The following SGCD variants were observed in gnomAD, a reference collection of about 807,000 sequenced individuals.
SGCD encodes delta-sarcoglycan.
A neutral mutation model predicts 36.6 loss-of-function variants in SGCD; 18 were observed. The observed-to-expected ratio is 0.49, with a 90% CI of 0.34 to 0.73. The LOEUF is 0.73. Among genes scored for constraint, SGCD ranks in the 30% least tolerant of loss-of-function variants. The pLI is 0.01. For synonymous variants in SGCD, 133 were observed against 130.6 expected, an observed-to-expected ratio of 1.02 and a Z score of -0.12; for missense variants, 387 against 346.7, an observed-to-expected ratio of 1.12 and a Z score of -0.92.
chr5:156,237,999 T>G (rs249894), intron 3 of SGCD, among the ~76,000 whole-genome samples: 90,131 of 151,208 alleles, frequency 0.6, 27,058 homozygotes, highest in East Asian at 0.69. Context: ...CCAGGCTGTA[T>G]TGCAGTGGTG....
intron 3 of SGCD, among the ~76,000 whole-genome samples, chr5:156,124,205 G>A (rs1762114257): frequency 2.0e-5 from 3 of 152,182 alleles, no homozygotes; most frequent in South Asian, 4.1e-4. Context: ...CACAGGTAAA[G>A]ATACAATGGT....
chr5:155,877,889 T>A (rs1755798541), intron 1 of SGCD, among the ~76,000 whole-genome samples: 1 of 152,206 alleles, frequency 6.6e-6, no homozygotes, highest in African/African-American at 2.4e-5. Flanking sequence ...ATGCAGAAAT[T>A]ACATGTTAAG....
At chr5:156,393,979 G>T (rs1771719884) in intron 3 of SGCD, 1 of 362,204 alleles carries the variant, frequency 2.8e-6, no homozygotes, top group African/African-American at 2.1e-5. Flanking sequence ...AGCAGTAAAA[G>T]ACAAAGATGC....
chr5:156,448,482 T>G (rs1024148875), intron 3 of SGCD, among the ~76,000 whole-genome samples: 1 of 152,072 alleles, frequency 6.6e-6, no homozygotes, highest in Non-Finnish European at 1.5e-5. Context: ...AGCAGCAGCC[T>G]CTCCATGGAA....
chr5:156,247,949 A>C (rs1398998587), intron 3 of SGCD, among the ~76,000 whole-genome samples: 5 of 152,264 alleles, frequency 3.3e-5, no homozygotes, highest in African/African-American at 7.2e-5. Context: ...AAACTGAAGT[A>C]AACGTTCTGA....
chr5:155,856,308 G>T, the SGCD span, among the ~76,000 whole-genome samples: 2 of 152,044 alleles, frequency 1.3e-5, no homozygotes, highest in African/African-American at 4.8e-5. Context: ...CCCAAAAAAT[G>T]CAGAAAAAGA....
rs942720274 is a variant in SGCD at position 156,751,063 on chromosome 5, T to G, written c.576-6518T>G. 5.9e-5 allele frequency among the ~76,000 whole-genome samples: 9 copies of G among 152,298 alleles called. No individual in the cohort carries two copies. In the East Asian group the frequency reaches 1.5e-3, roughly 26 times the overall value. On this transcript the variant is annotated intron_variant, in intron 7 of 8. Coordinates refer to ENST00000337851, the MANE Select transcript of SGCD (RefSeq NM_000337.6). ...AGACCCAAGAATCGCTAAGACATTCTTGAACAAGAATAAGGTAAGAGGATT... is the reference window on the plus strand; with the variant it reads ...AGACCCAAGAATCGCTAAGACATTCGTGAACAAGAATAAGGTAAGAGGATT...
In SGCD at chr5:156,764,152, AT is replaced by A. The variant is rs1357491009; in HGVS notation, c.*4763del. 2 of 152,496 alleles carry A rather than the reference AT, an allele frequency of 1.3e-5. No individual in the cohort carries two copies. Among genetic ancestry groups the A allele is most frequent in the African/African-American group, 4.8e-5 (2 of 41,454 alleles). 9.4% of individuals were successfully genotyped at this position (152,496 alleles called of 1,614,324 possible). On this transcript the variant is annotated 3_prime_UTR_variant, in exon 9 of 9. Coordinates refer to ENST00000337851, the MANE Select transcript of SGCD (RefSeq NM_000337.6). ...TAGCAGGTTGGGAAAAAGTTATAAT[AT>A]AAGAAACAACCTTCGAAAACAGGCC...
At chr5:156,353,408 G>A (rs1422104914) in intron 3 of SGCD, among the ~76,000 whole-genome samples, 3 of 152,180 alleles carry the variant, frequency 2.0e-5, no homozygotes, top group East Asian at 1.9e-4. Context: ...ACAGACACTC[G>A]CTCTGTGTAT....
Position 155,872,702 on chromosome 5 carries a change from GC to G in SGCD, c.-282+2279del, listed in dbSNP as rs34383792. 5.3e-3 allele frequency among the ~76,000 whole-genome samples: 803 copies of G among 152,204 alleles called. 4 individuals carry two copies. Among genetic ancestry groups the G allele is most frequent in the Non-Finnish European group, 7.8e-3 (527 of 67,998 alleles). ...CACTGAGAACCATAGAATGTCAGAT[GC>G]TGTACCAAGGGAATTAACTGACATA... On this transcript the variant is annotated intron_variant, in intron 1 of 9. Transcript: ENST00000517913.
At chr5:156,724,756 C>T (rs532260315) in intron 7 of SGCD, among the ~76,000 whole-genome samples, 2 of 152,274 alleles carry the variant, frequency 1.3e-5, no homozygotes, top group East Asian at 1.9e-4. Context: ...TATCTATAAG[C>T]CCCCAGTTAG....
chr5:155,854,665 G>T, the SGCD span, among the ~76,000 whole-genome samples: 4 of 152,094 alleles, frequency 2.6e-5, no homozygotes, highest in Admixed American at 6.6e-5. Flanking sequence ...TATTTGAATT[G>T]AGACCCAGAA....
intron 7 of SGCD, among the ~76,000 whole-genome samples, chr5:156,671,840 GA>G (rs1421825682): frequency 6.6e-6 from 1 of 152,152 alleles, no homozygotes; most frequent in Non-Finnish European, 1.5e-5. Context: ...GAAGCCTCAG[GA>G]AGCTTTTACC....
chr5:156,698,444 T>G (rs899879392), intron 7 of SGCD, among the ~76,000 whole-genome samples: 2 of 152,250 alleles, frequency 1.3e-5, no homozygotes, highest in Non-Finnish European at 2.9e-5. Flanking sequence ...CTTTAAAATA[T>G]TCCAACCCTT....
At chr5:156,443,614 T>C (rs927022263) in intron 3 of SGCD, among the ~76,000 whole-genome samples, 1 of 152,106 alleles carries the variant, frequency 6.6e-6, no homozygotes, top group Non-Finnish European at 1.5e-5. Flanking sequence ...ATTAACACCC[T>C]CATGACATGT....
intron 1 of SGCD, among the ~76,000 whole-genome samples, chr5:155,921,394 A>G (rs1756875426): frequency 6.6e-6 from 1 of 152,102 alleles, no homozygotes; most frequent in Admixed American, 6.5e-5. Context: ...TCTTAGGGGA[A>G]GGAGATGGGG....
the SGCD span, among the ~76,000 whole-genome samples, chr5:155,855,895 C>T: frequency 1.9e-4 from 29 of 152,082 alleles, no homozygotes; most frequent in East Asian, 4.3e-3. Flanking sequence ...CAGGTAAGTA[C>T]ATTAACACAC....
intron 1 of SGCD, among the ~76,000 whole-genome samples, chr5:155,960,760 T>G (rs1387904593): frequency 6.6e-6 from 1 of 152,122 alleles, no homozygotes; most frequent in Non-Finnish European, 1.5e-5. Flanking sequence ...CATATCTCAA[T>G]GAGTTCACAC....
intron 1 of SGCD, among the ~76,000 whole-genome samples, chr5:155,943,409 G>A (rs751173576): frequency 6.6e-6 from 1 of 152,074 alleles, no homozygotes; most frequent in Non-Finnish European, 1.5e-5. Context: ...TCTACCCTGG[G>A]AGTCTGTTTC....
Sources: allele counts gnomAD v4.1 joint callset (sites outside exome capture counted in the v4.1 genomes callset), GRCh38; gene constraint gnomAD v4.1.1; transcripts MANE v1.5; gene names NCBI Gene and HGNC (gene_info 2026-07-23, HGNC 2026-07-21).